Variants in COL5A2 observed in about 807,000 individuals in gnomAD.
COL5A2 encodes the protein collagen alpha-2(V) chain.
Under a neutral mutation model 208.2 loss-of-function variants are expected in COL5A2, and 23 were observed. The ratio of observed to expected loss-of-function variants is 0.11; its 90% CI spans 0.08 to 0.16. The LOEUF (loss-of-function observed/expected upper bound fraction) is 0.16. Among genes scored for constraint, COL5A2 ranks in the 10% least tolerant of loss-of-function variants. The pLI is 1.00. For missense variants in COL5A2, 1,590 were observed against 1,956.4 expected, an observed-to-expected ratio of 0.81 and a Z score of 3.53; for synonymous variants, 625 against 628.5, an observed-to-expected ratio of 0.99 and a Z score of 0.08.
chr2:189,347,281 A>G, the COL5A2 span, among the ~76,000 whole-genome samples: 1 of 152,210 alleles, frequency 6.6e-6, no homozygotes, highest in Admixed American at 6.5e-5. Flanking sequence ...CTTGCAAAAC[A>G]TGAGAATTAT....
intron 1 of COL5A2, among the ~76,000 whole-genome samples, chr2:189,128,003 A>T (rs1029323625): frequency 6.6e-6 from 1 of 152,030 alleles, no homozygotes; most frequent in Non-Finnish European, 1.5e-5. Context: ...CAGAAATGGT[A>T]AGTGTAGGAA....
At position 189,168,856 on chromosome 2, in the gene COL5A2, T is replaced by A. The variant is rs1229587505; in HGVS notation, c.97+10652A>T. Among the ~76,000 whole-genome samples the A allele has an allele frequency of 3.9e-5, 6 of 152,232 alleles. 1 individual carries two copies. Among genetic ancestry groups the A allele is most frequent in the Admixed American group, 3.9e-4 (6 of 15,288 alleles). Reference sequence around the variant, plus strand: ...TCCAAGTTAAACCCATCATTTTTTATTATGAATTTGAAAACCTACAAAGAA... The same window carrying A: ...TCCAAGTTAAACCCATCATTTTTTAATATGAATTTGAAAACCTACAAAGAA... On this transcript the variant is annotated intron_variant, in intron 1 of 53. Coordinates refer to ENST00000374866, the MANE Select transcript of COL5A2 (RefSeq NM_000393.5).
In COL5A2 at chr2:189,068,034, T is replaced by C; in HGVS notation, c.1382A>G (p.Gln461Arg). ...CATTACCGGTTGGCCTCGAATTCCC[T>C]GAGGACCAGTGCTACCCTGAGGTCC... ...SPGPQGSTGP[Q>R]GIRGQPGDPG... Residue 461 changes from glutamine (Q) to arginine (R), a missense_variant, in exon 21 of 54, where the codon CAG becomes CGG. Coordinates refer to ENST00000374866, the MANE Select transcript of COL5A2 (RefSeq NM_000393.5). 6.2e-7 allele frequency: 1 copy of C among 1,613,978 alleles called. No homozygotes were observed. The highest frequency in any genetic ancestry group is 8.5e-7 in the Non-Finnish European group (1 of 1,179,896).
At chr2:189,064,677 G>A in intron 24 of COL5A2, 22 bp from the exon 25 acceptor site, 1 of 1,503,784 alleles carries the variant, frequency 6.6e-7, no homozygotes. Context: ...CAAAGCAGAT[G>A]CATGAAGAAA....
In COL5A2 at chr2:189,058,435, G is replaced by T; in HGVS notation, c.2223C>A (p.Gly741=). 1 of 1,613,098 alleles carries T rather than the reference G, an allele frequency of 6.2e-7. No homozygotes were observed. Among genetic ancestry groups the T allele is most frequent in the Non-Finnish European group, 8.5e-7 (1 of 1,179,148 alleles). Residue 741 remains glycine, a synonymous_variant, in exon 33 of 54, where the codon GGC becomes GGA. Transcript: ENST00000374866. ...AGATCACTATGACACTTACTTTTGG[G>T]CCATCAGGACCATGTCCTCCAGCCA... ...KGMAGGHGPD[G]PKGSPGPSGT...
chr2:189,340,406 A>C, the COL5A2 span, among the ~76,000 whole-genome samples: 1 of 152,242 alleles, frequency 6.6e-6, no homozygotes, highest in Admixed American at 6.5e-5. Context: ...TTAAGACTTA[A>C]AAACTAAAAG....
At chr2:189,330,531 G>T in the COL5A2 span, among the ~76,000 whole-genome samples, 490 of 152,288 alleles carry the variant, frequency 3.2e-3, 2 homozygotes, top group African/African-American at 0.011. Flanking sequence ...AGAGCGGAGA[G>T]CAAAGAAAAT....
At chr2:189,229,437 C>T (rs1226597607), upstream of COL5A2, among the ~76,000 whole-genome samples, 2 of 49,190 alleles carry the variant, frequency 4.1e-5, no homozygotes, top group Admixed American at 2.6e-4. Context: ...TACATACACA[C>T]ACACAAAAAA....
chr2:189,244,978 G>C, the COL5A2 span, among the ~76,000 whole-genome samples: 1 of 152,318 alleles, frequency 6.6e-6, no homozygotes, highest in Non-Finnish European at 1.5e-5. Context: ...GGCAAAGAGA[G>C]AGCTTGTGCA....
chr2:189,432,844 A>T, the COL5A2 span, among the ~76,000 whole-genome samples: 1 of 152,324 alleles, frequency 6.6e-6, no homozygotes, highest in East Asian at 1.9e-4. Context: ...ATAGGCATCT[A>T]CAGAACTCTC....
intron 1 of COL5A2, among the ~76,000 whole-genome samples, chr2:189,153,263 T>G (rs995362911): frequency 1.6e-4 from 24 of 152,324 alleles, no homozygotes; most frequent in Middle Eastern, 3.4e-3. Flanking sequence ...AGGAGTCAGA[T>G]GGAGAAGAAA....
rs1427967614 is a variant in COL5A2, at chr2:189,058,460, A to G, written c.2198T>C (p.Met733Thr). ...GITGLPGEKG[M>T]AGGHGPDGPK... Reference sequence around the variant, plus strand: ...GCCATCAGGACCATGTCCTCCAGCCATTCCCTTCTCACCAGGGAGTCCAGT... The same window carrying G: ...GCCATCAGGACCATGTCCTCCAGCCGTTCCCTTCTCACCAGGGAGTCCAGT... The change falls in exon 33 of 54, where the codon ATG (methionine) becomes ACG (threonine). Residue 733 changes from methionine (M) to threonine (T), a missense_variant. By Grantham distance (81) the Met-to-Thr change is moderately conservative (BLOSUM62 -1). Coordinates refer to ENST00000374866, the MANE Select transcript of COL5A2 (RefSeq NM_000393.5). 1.2e-6 allele frequency: 2 copies of G among 1,614,066 alleles called. No homozygotes were observed. Among genetic ancestry groups the G allele is most frequent in the Admixed American group, 1.7e-5 (1 of 60,016 alleles).
At chr2:189,186,270 T>A (rs1402229470) in intron 1 of COL5A2, among the ~76,000 whole-genome samples, 1 of 152,140 alleles carries the variant, frequency 6.6e-6, no homozygotes, top group Non-Finnish European at 1.5e-5. Flanking sequence ...GTGCTGGGAT[T>A]ACAGACATGA....
intron 3 of COL5A2, 110 bp from the exon 4 acceptor site, chr2:189,100,249 A>G (rs1687021603): frequency 1.2e-6 from 1 of 804,834 alleles, no homozygotes; most frequent in Non-Finnish European, 2.1e-6. Flanking sequence ...ATTTCTATGT[A>G]AGAAATGCAA....
At chr2:189,221,705 C>A (rs887318728) in intron 1 of COL5A2, among the ~76,000 whole-genome samples, 1 of 151,990 alleles carries the variant, frequency 6.6e-6, no homozygotes, top group South Asian at 2.1e-4. Context: ...TAGTTCTTGA[C>A]CCTTGCAAAG....
At chr2:189,335,197 A>G in the COL5A2 span, among the ~76,000 whole-genome samples, 7 of 152,116 alleles carry the variant, frequency 4.6e-5, no homozygotes, top group Admixed American at 6.5e-5. Context: ...ATAAAACAGA[A>G]GCCATTAAAG....
intron 9 of COL5A2, among the ~76,000 whole-genome samples, chr2:189,086,226 A>C (rs1324158458): frequency 6.6e-6 from 1 of 152,170 alleles, no homozygotes. Context: ...ATGCCTGTTA[A>C]ATTGCTATAA....
chr2:189,428,651 C>T, the COL5A2 span, among the ~76,000 whole-genome samples: 1 of 152,022 alleles, frequency 6.6e-6, no homozygotes, highest in Non-Finnish European at 1.5e-5. Flanking sequence ...AGCACTTCCC[C>T]ATCTCTCAGT....
chr2:189,424,265 C>G, the COL5A2 span, among the ~76,000 whole-genome samples: 9 of 152,062 alleles, frequency 5.9e-5, no homozygotes, highest in African/African-American at 2.2e-4. Context: ...TCTTTTAATA[C>G]CTGGAACAAG....
Sources: gnomAD v4.1 joint callset for allele counts (sites outside exome capture counted in the v4.1 genomes callset) on GRCh38, gnomAD v4.1.1 for gene constraint, MANE v1.5 for transcripts, NCBI Gene and HGNC (gene_info 2026-07-23, HGNC 2026-07-21) for gene names.